LRRC4C: variants seen among roughly 807,000 people sequenced by gnomAD.
The protein encoded by LRRC4C is leucine rich repeat containing 4C, also known as leucine-rich repeat-containing protein 4C.
Under a neutral mutation model 33.6 loss-of-function variants are expected in LRRC4C, and 5 were observed. That is an observed-to-expected ratio of 0.15 (90% CI 0.08 to 0.31). The LOEUF is 0.31. Ranked by LOEUF, LRRC4C falls within the 10% of genes least tolerant of loss-of-function variation. The pLI, the probability that LRRC4C is intolerant of heterozygous loss-of-function variation, is 1.00. For synonymous variants in LRRC4C, 329 were observed against 302.0 expected, an observed-to-expected ratio of 1.09 and a Z score of -0.93; for missense variants, 560 against 796.7, an observed-to-expected ratio of 0.70 and a Z score of 3.58.
Position 40,766,353 on chromosome 11 carries a change from TAAAAAAAA to T in LRRC4C, c.-406-118083_-406-118076del, listed in dbSNP as rs60152534. 2.7e-3 allele frequency among the ~76,000 whole-genome samples: 93 copies of T among 33,916 alleles called. 1 individual carries two copies. Among genetic ancestry groups the T allele is most frequent in the Admixed American group, 9.0e-3 (16 of 1,776 alleles). 22.3% of individuals were successfully genotyped at this position (33,916 alleles called of 152,430 possible). A position where few individuals can be genotyped will look rare whatever the true frequency, so the allele number is the denominator to read the frequency against. On this transcript the variant is annotated intron_variant, in intron 2 of 6. Transcript: ENST00000528697. ...TGCTAAAGGGAGTTCTTCAGTCTGT[TAAAAAAAA>T]AAAAAAAAAAAAAAAAAAGAAGATA...
At chr11:41,038,929 A>C (rs1005138441) in intron 1 of LRRC4C, among the ~76,000 whole-genome samples, 7 of 152,158 alleles carry the variant, frequency 4.6e-5, no homozygotes, top group Non-Finnish European at 1.0e-4. Context: ...CAGAAGCTTT[A>C]GTTTAATTAG....
chr11:40,491,207 C>T (rs1186255045), intron 3 of LRRC4C, among the ~76,000 whole-genome samples: 1 of 152,068 alleles, frequency 6.6e-6, no homozygotes, highest in Non-Finnish European at 1.5e-5. Flanking sequence ...ATCGTTTGAA[C>T]CCAGGAGGCA....
chr11:41,068,053 A>G (rs1938389624), intron 1 of LRRC4C, among the ~76,000 whole-genome samples: 1 of 152,156 alleles, frequency 6.6e-6, no homozygotes, highest in Non-Finnish European at 1.5e-5. Context: ...GAAATAAATA[A>G]GATCAGAACA....
At chr11:40,403,646 A>C (rs752693146) in intron 3 of LRRC4C, among the ~76,000 whole-genome samples, 3 of 152,248 alleles carry the variant, frequency 2.0e-5, no homozygotes, top group Non-Finnish European at 4.4e-5. Flanking sequence ...TTGCTACTTC[A>C]ATTTTTTTTC....
intron 2 of LRRC4C, among the ~76,000 whole-genome samples, chr11:40,697,873 T>A (rs185392412): frequency 2.6e-4 from 40 of 151,980 alleles, no homozygotes; most frequent in African/African-American, 9.4e-4. Context: ...ATAGAGACCA[T>A]CCTGGCTAAC....
intron 1 of LRRC4C, among the ~76,000 whole-genome samples, chr11:41,356,152 T>C (rs894388365): frequency 1.3e-5 from 2 of 152,156 alleles, no homozygotes; most frequent in Non-Finnish European, 2.9e-5. Context: ...CAGTTAGCTA[T>C]TGCATACTTC....
intron 3 of LRRC4C, among the ~76,000 whole-genome samples, chr11:40,559,940 A>C (rs1055617243): frequency 2.0e-5 from 3 of 152,090 alleles, no homozygotes; most frequent in Non-Finnish European, 4.4e-5. Flanking sequence ...TTACACTTAC[A>C]TGTGGTTTCC....
intron 1 of LRRC4C, among the ~76,000 whole-genome samples, chr11:41,288,385 T>G (rs1591167336): frequency 1.3e-5 from 2 of 152,252 alleles, no homozygotes; most frequent in Middle Eastern, 3.4e-3. Flanking sequence ...AAACAATCTT[T>G]CTGAGTAAGA....
At chr11:40,186,259 AATTTTAGTTAATGCTTTTCCC>A (rs1376106548) in intron 5 of LRRC4C, among the ~76,000 whole-genome samples, 1 of 152,184 alleles carries the variant, frequency 6.6e-6, no homozygotes, top group Non-Finnish European at 1.5e-5. Flanking sequence ...CCTGTATCAT[AATTTTAGTTAATGCTTTTCCC>A]ATTTTTCTGA....
At chr11:41,192,902 C>A (rs1183600607) in intron 1 of LRRC4C, among the ~76,000 whole-genome samples, 1 of 151,972 alleles carries the variant, frequency 6.6e-6, no homozygotes, top group Admixed American at 6.6e-5. Flanking sequence ...TCCCGAGATG[C>A]CATTAAGAAA....
intron 2 of LRRC4C, among the ~76,000 whole-genome samples, chr11:40,865,509 GTGTA>G (rs1218054422): frequency 1.7e-5 from 1 of 57,458 alleles, no homozygotes; most frequent in Non-Finnish European, 5.3e-5. Context: ...ATTCCACAGT[GTGTA>G]TATATATATA....
intron 3 of LRRC4C, among the ~76,000 whole-genome samples, chr11:40,378,343 T>A (rs1398249135): frequency 6.6e-6 from 1 of 151,962 alleles, no homozygotes; most frequent in Non-Finnish European, 1.5e-5. Flanking sequence ...TCACAGAAAA[T>A]TATCATAATC....
At chr11:40,649,454 C>T (rs1001652821) in intron 2 of LRRC4C, among the ~76,000 whole-genome samples, 54 of 152,160 alleles carry the variant, frequency 3.5e-4, no homozygotes, top group African/African-American at 1.1e-3. Context: ...TGCCCGACCC[C>T]GCAGGCAGTC....
intron 2 of LRRC4C, among the ~76,000 whole-genome samples, chr11:40,887,842 A>G (rs1955532927): frequency 6.6e-6 from 1 of 152,024 alleles, no homozygotes; most frequent in East Asian, 1.9e-4. Context: ...TGCATTCTAT[A>G]TCCTTGTGGC....
intron 3 of LRRC4C, among the ~76,000 whole-genome samples, chr11:40,586,725 A>G (rs1001582052): frequency 4.7e-5 from 7 of 150,534 alleles, no homozygotes; most frequent in Non-Finnish European, 1.0e-4. Flanking sequence ...CATTTATTAA[A>G]TAGGGAAGCC....
rs748483585 is a variant in LRRC4C, at chr11:40,834,911, G to GACAGACAGACACACACACACACACAC, written c.-407+98723_-407+98724insGTGTGTGTGTGTGTGTGTCTGTCTGT. 7.7e-3 allele frequency among the ~76,000 whole-genome samples: 650 copies of GACAGACAGACACACACACACACACAC among 84,850 alleles called. 12 individuals are homozygous for GACAGACAGACACACACACACACACAC. Among genetic ancestry groups the GACAGACAGACACACACACACACACAC allele is most frequent in the East Asian group, 0.023 (48 of 2,122 alleles). The allele number at this position is 84,850 out of a possible 152,430, so 55.7% of individuals were successfully genotyped here. On this transcript the variant is annotated intron_variant, in intron 2 of 6. Coordinates refer to ENST00000528697, the MANE Select transcript of LRRC4C (RefSeq NM_001258419.2). ...AGACAGACAGACAGACAGACAGACA[G>GACAGACAGACACACACACACACACAC]ACACACACACACACACACACACACA...
chr11:41,059,550 C>A (rs926557291), intron 1 of LRRC4C, among the ~76,000 whole-genome samples: 1 of 152,054 alleles, frequency 6.6e-6, no homozygotes, highest in African/African-American at 2.4e-5. Flanking sequence ...GGAGTTTCTT[C>A]TTCTTTTTAT....
intron 2 of LRRC4C, among the ~76,000 whole-genome samples, chr11:40,815,596 T>G (rs1399024546): frequency 1.3e-5 from 2 of 152,150 alleles, no homozygotes; most frequent in African/African-American, 2.4e-5. Context: ...TTTAAAAAAT[T>G]TCCTTTGTGG....
intron 1 of LRRC4C, among the ~76,000 whole-genome samples, chr11:41,380,257 T>C (rs1302909946): frequency 6.6e-6 from 1 of 152,198 alleles, no homozygotes. Flanking sequence ...AGTAACATAT[T>C]ACATCTAGAA....
Sources: allele counts gnomAD v4.1 joint callset (sites outside exome capture counted in the v4.1 genomes callset), GRCh38; gene constraint gnomAD v4.1.1; transcripts MANE v1.5; gene names NCBI Gene and HGNC (gene_info 2026-07-23, HGNC 2026-07-21).